The following UNC93A variants were observed in gnomAD, a reference collection of about 807,000 sequenced individuals.
The protein encoded by UNC93A is unc-93 homolog A, also known as N-acetylglucosamine transporter UNC93A.
Under a neutral mutation model 47.5 loss-of-function variants are expected in UNC93A, and 43 were observed. The observed-to-expected ratio is 0.91, with a 90% CI of 0.71 to 1.17. The LOEUF (loss-of-function observed/expected upper bound fraction) is 1.17, where lower values mean the gene tolerates loss of function less well. Among genes scored for constraint, UNC93A ranks in the 50% most tolerant of loss-of-function variants. The probability of loss-of-function intolerance (pLI) is 0.00; values close to 1 mark genes in which losing one functional copy is unlikely to be tolerated. For synonymous variants in UNC93A, 280 were observed against 258.0 expected (o/e 1.09, Z -0.82); for missense variants, 605 against 577.6 (o/e 1.05, Z -0.49).
At chr6:167,309,231 G>T (rs567251409) in intron 7 of UNC93A, among the ~76,000 whole-genome samples, 191 of 152,286 alleles carry the variant, frequency 1.3e-3, no homozygotes, top group African/African-American at 3.9e-3. Context: ...TGCTTTGTGC[G>T]GGCTGGCTGT....
Position 167,307,788 on chromosome 6 carries a change from C to T in UNC93A, c.986C>T (p.Thr329Ile), listed in dbSNP as rs868135816. The change falls in exon 7 of 8, where the codon ACC (threonine) becomes ATC (isoleucine). Residue 329 changes from threonine to isoleucine, a missense_variant. By Grantham distance (89) the Thr-to-Ile change is moderately conservative (BLOSUM62 -1). Coordinates refer to ENST00000230256, the MANE Select transcript of UNC93A (RefSeq NM_018974.4). Reference sequence around the variant, plus strand: ...CCCTCTGCACCCCCAGGCGCGGTGACCCACGTGTCCTGCATGATTGCCCTA... The same window carrying T: ...CCCTCTGCACCCCCAGGCGCGGTGATCCACGTGTCCTGCATGATTGCCCTA... ...RAVLYVLGAV[T>I]HVSCMIALLL... 6.3e-7 allele frequency: 1 copy of T among 1,593,004 alleles called. No homozygotes were observed. Among genetic ancestry groups the T allele is most frequent in the Non-Finnish European group, 8.5e-7 (1 of 1,172,870 alleles).
upstream of UNC93A, among the ~76,000 whole-genome samples, chr6:167,270,341 C>A (rs1335491336): frequency 5.9e-5 from 9 of 152,096 alleles, no homozygotes; most frequent in Non-Finnish European, 1.3e-4. Context: ...CCGATGCCAT[C>A]TCTTAACAAA....
At chr6:167,306,394 T>C (rs1456669655) in intron 6 of UNC93A, among the ~76,000 whole-genome samples, 1 of 152,156 alleles carries the variant, frequency 6.6e-6, no homozygotes, top group Admixed American at 6.5e-5. Context: ...GGTGAGGCCA[T>C]GGGGTTCACG....
At chr6:167,279,685 T>A (rs576263141) in intron 1 of UNC93A, among the ~76,000 whole-genome samples, 20 of 152,316 alleles carry the variant, frequency 1.3e-4, no homozygotes, top group African/African-American at 4.8e-4. Flanking sequence ...AGATGAAGTG[T>A]GTAATACTCA....
At position 167,295,282 on chromosome 6, in the gene UNC93A, G is replaced by A. The variant is rs552056901; in HGVS notation, c.269+584G>A. On this transcript the variant is annotated intron_variant, in intron 2 of 7. Transcript: ENST00000230256. Reference sequence around the variant, plus strand: ...CCAGGACATGCTGCTGATGATGGCTGCAAGTCCTTCTTCCCGGTAGCTGCA... The same window carrying A: ...CCAGGACATGCTGCTGATGATGGCTACAAGTCCTTCTTCCCGGTAGCTGCA... 1.5e-3 allele frequency among the ~76,000 whole-genome samples: 227 copies of A among 152,356 alleles called. 2 individuals carry two copies. Among genetic ancestry groups the A allele is most frequent in the African/African-American group, 5.2e-3 (217 of 41,566 alleles).
At chr6:167,282,954 G>T (rs1024614031) in intron 1 of UNC93A, among the ~76,000 whole-genome samples, 24 of 152,290 alleles carry the variant, frequency 1.6e-4, no homozygotes, top group African/African-American at 5.3e-4. Context: ...CCATAGAAAG[G>T]AGTGTCTAGG....
At chr6:167,297,123 G>A (rs369188141) in intron 3 of UNC93A, among the ~76,000 whole-genome samples, 5 of 152,196 alleles carry the variant, frequency 3.3e-5, no homozygotes, top group South Asian at 2.1e-4. Flanking sequence ...CAGAAACTGG[G>A]GTTACAGCTC....
intron 1 of UNC93A, among the ~76,000 whole-genome samples, chr6:167,283,403 G>C (rs76913197): frequency 6.6e-6 from 1 of 152,076 alleles, no homozygotes; most frequent in African/African-American, 2.4e-5. Context: ...GAGGCACATC[G>C]GACCTTGCCT....
At chr6:167,288,796 A>C (rs543502909), upstream of UNC93A, among the ~76,000 whole-genome samples, 2 of 152,186 alleles carry the variant, frequency 1.3e-5, no homozygotes, top group Non-Finnish European at 1.5e-5. Flanking sequence ...TGAAGAACGC[A>C]TGGCGCCTGT....
At chr6:167,295,484 A>T (rs1973897) in intron 2 of UNC93A, among the ~76,000 whole-genome samples, 11,693 of 35,874 alleles carry the variant, frequency 0.33, 1,810 homozygotes, top group African/African-American at 0.48. Context: ...TCCCTCGTGA[A>T]CCTCGCCTCC....
rs138525520 is a variant in UNC93A at position 167,305,986 on chromosome 6, G to A, written c.912G>A (p.Ala304=). 1.9e-4 allele frequency: 313 copies of A among 1,614,196 alleles called. No individual in the cohort carries two copies. The African/African-American group carries it at 3.6e-3, about 19-fold the overall frequency. ...YVMICFSATD[A]LCSVLYGKVS... is the part of the protein sequence containing the mutation. ...TGATCTGCTTCTCGGCCACTGACGC[G>A]CTGTGCTCCGTGTTGTATGGAAAGG... The change falls in exon 6 of 8, where the codon GCG becomes GCA. Residue 304 remains alanine (A), a synonymous_variant. Coordinates refer to ENST00000230256, the MANE Select transcript of UNC93A (RefSeq NM_018974.4).
intron 7 of UNC93A, among the ~76,000 whole-genome samples, chr6:167,308,183 G>A (rs535627998): frequency 7.2e-5 from 11 of 152,280 alleles, no homozygotes; most frequent in Admixed American, 1.3e-4. Context: ...AAGTCAAGTC[G>A]CCCATTCGAG....
chr6:167,308,046 G>T (rs1409613069), intron 7 of UNC93A, 136 bp downstream of exon 7: 23 of 1,247,202 alleles, frequency 1.8e-5, no homozygotes, highest in Non-Finnish European at 1.8e-5. Context: ...GGCCAAGAGG[G>T]CTTTGATGTC....
intron 1 of UNC93A, among the ~76,000 whole-genome samples, chr6:167,272,611 G>T (rs1032404244): frequency 6.6e-6 from 1 of 152,124 alleles, no homozygotes; most frequent in Non-Finnish European, 1.5e-5. Context: ...GAAGTACATT[G>T]GTTTGGTCCA....
upstream of UNC93A, among the ~76,000 whole-genome samples, chr6:167,270,830 G>A (rs1783439863): frequency 3.3e-5 from 5 of 152,236 alleles, no homozygotes; most frequent in South Asian, 1.0e-3. Flanking sequence ...CCGCTGTGGA[G>A]TCTGCAGAGG....
chr6:167,284,499 C>T (rs1583064381), intron 1 of UNC93A, among the ~76,000 whole-genome samples: 1 of 152,280 alleles, frequency 6.6e-6, no homozygotes, highest in Admixed American at 6.5e-5. Flanking sequence ...GAGAGGAGGA[C>T]TAGAAAGCGA....
intron 1 of UNC93A, among the ~76,000 whole-genome samples, chr6:167,282,545 G>T (rs1783651488): frequency 6.6e-6 from 1 of 152,158 alleles, no homozygotes; most frequent in Non-Finnish European, 1.5e-5. Flanking sequence ...CAAGTTCATT[G>T]TCAGTAAAAA....
chr6:167,303,837 A>G, intron 4 of UNC93A, 82 bp from the exon 5 acceptor site: 2 of 1,372,466 alleles, frequency 1.5e-6, no homozygotes, highest in Non-Finnish European at 2.1e-6. Flanking sequence ...CGAGAGGAGG[A>G]TGAGTGACTG....
intron 1 of UNC93A, among the ~76,000 whole-genome samples, chr6:167,272,358 C>T (rs1783464096): frequency 1.3e-5 from 2 of 152,208 alleles, no homozygotes; most frequent in Non-Finnish European, 2.9e-5. Context: ...GAGCACACGT[C>T]CAAAGATATG....
Sources: gnomAD v4.1 joint callset for allele counts (sites outside exome capture counted in the v4.1 genomes callset) on GRCh38, gnomAD v4.1.1 for gene constraint, MANE v1.5 for transcripts, NCBI Gene and HGNC (gene_info 2026-07-23, HGNC 2026-07-21) for gene names.